Variants in CATSPERG observed in about 807,000 individuals in gnomAD.
CATSPERG encodes the protein cation channel sperm-associated auxiliary subunit gamma.
CATSPERG carries 115 observed loss-of-function variants against 145.0 expected under a neutral mutation model. The observed-to-expected ratio is 0.79, with a 90% CI of 0.68 to 0.93. The LOEUF (loss-of-function observed/expected upper bound fraction) is 0.93, where lower values mean the gene tolerates loss of function less well. Among genes scored for constraint, CATSPERG ranks in the 40% least tolerant of loss-of-function variants. The pLI, the probability that CATSPERG is intolerant of heterozygous loss-of-function variation, is 0.00. For synonymous variants in CATSPERG, 588 were observed against 589.0 expected, an observed-to-expected ratio of 1.00 and a Z score of 0.02; for missense variants, 1,296 against 1,490.1, an observed-to-expected ratio of 0.87 and a Z score of 2.14.
chr19:38,360,692 G>A (rs1970329429), intron 15 of CATSPERG, 39 bp from the exon 16 acceptor site: 2 of 1,614,000 alleles, frequency 1.2e-6, no homozygotes, highest in Non-Finnish European at 1.7e-6. Context: ...CCCCAGGAGG[G>A]CTGACCCCAG....
At chr19:38,360,691 G>A (rs1970329378) in intron 15 of CATSPERG, 40 bp from the exon 16 acceptor site, 1 of 1,614,012 alleles carries the variant, frequency 6.2e-7, no homozygotes, top group Non-Finnish European at 8.5e-7. Context: ...ACCCCAGGAG[G>A]GCTGACCCCA....
intron 20 of CATSPERG, among the ~76,000 whole-genome samples, chr19:38,363,324 G>T (rs1970385769): frequency 6.6e-6 from 1 of 151,938 alleles, no homozygotes; most frequent in African/African-American, 2.4e-5. Flanking sequence ...ACAAGCGTGA[G>T]CCACTGCACC....
At chr19:38,359,052 G>A (rs569012221) in intron 13 of CATSPERG, among the ~76,000 whole-genome samples, 2 of 152,038 alleles carry the variant, frequency 1.3e-5, no homozygotes, top group East Asian at 3.9e-4. Flanking sequence ...GTTTCACCAT[G>A]TTGGGCAGGC....
chr19:38,352,752 C>A (rs1439808514), intron 8 of CATSPERG, among the ~76,000 whole-genome samples: 2 of 151,248 alleles, frequency 1.3e-5, no homozygotes, highest in Non-Finnish European at 2.9e-5. Flanking sequence ...GAAGGACTTG[C>A]CAAGACAGAC....
intron 7 of CATSPERG, chr19:38,349,648 T>G (rs201792424): frequency 0.081 from 12,117 of 149,922 alleles, 723 homozygotes; most frequent in South Asian, 0.17. Flanking sequence ...CATTGTTTTT[T>G]TTTGTTTGTT....
intron 20 of CATSPERG, among the ~76,000 whole-genome samples, chr19:38,364,382 A>G (rs934676127): frequency 1.4e-5 from 2 of 141,502 alleles, no homozygotes; most frequent in African/African-American, 2.7e-5. Flanking sequence ...GGGCAGAGGC[A>G]CTCCCCACAT....
At chr19:38,361,501 C>A in intron 16 of CATSPERG, 147 bp from the exon 17 acceptor site, 1 of 669,524 alleles carries the variant, frequency 1.5e-6, no homozygotes, top group Non-Finnish European at 2.6e-6. Context: ...GTGCAGAGGC[C>A]TCTGGGCAGC....
chr19:38,354,646 G>C, intron 8 of CATSPERG, 64 bp from the exon 9 acceptor site: 2 of 1,573,770 alleles, frequency 1.3e-6, no homozygotes. Flanking sequence ...AGGGAAATGT[G>C]GGCAGGGGGC....
intron 1 of CATSPERG, 96 bp downstream of exon 1, chr19:38,335,971 G>C: frequency 1.1e-5 from 3 of 283,754 alleles, no homozygotes; most frequent in South Asian, 8.0e-5. Context: ...GGGAAGGCGA[G>C]AAGGGGAGAG....
Position 38,367,137 on chromosome 19 carries a change from C to G in CATSPERG, c.2614-19C>G, listed in dbSNP as rs767594135. The G allele has an allele frequency of 3.7e-6, 6 of 1,606,114 alleles. No homozygotes were observed. The highest frequency in any genetic ancestry group is 3.4e-5 in the Admixed American group (2 of 58,746). ...GGAGACCCTGGCCACCCCTGTGAGC[C>G]TTTTTTCCTCCCACCGAGGGCAACC... On this transcript the variant is annotated intron_variant, in intron 22 of 28. Transcript: ENST00000409235.
chr19:38,340,069 G>A (rs1215904380), intron 3 of CATSPERG, among the ~76,000 whole-genome samples: 1 of 152,036 alleles, frequency 6.6e-6, no homozygotes, highest in Non-Finnish European at 1.5e-5. Context: ...GGCCAGGCTG[G>A]TCTCGAACTC....
At position 38,354,786 on chromosome 19, in the gene CATSPERG, G is replaced by A. The variant is rs1362885779; in HGVS notation, c.1074G>A (p.Glu358=). The A allele has an allele frequency of 6.2e-7, 1 of 1,614,182 alleles. No individual in the cohort carries two copies. Among genetic ancestry groups the A allele is most frequent in the Non-Finnish European group, 8.5e-7 (1 of 1,180,034 alleles). ...CPVYFHSNGS[E]YIMALTTGKH... ...TGTATTTCCATAGCAATGGCTCTGA[G>A]TACATAATGGCCCTCACCACGGGCA... Residue 358 remains glutamate (E), a synonymous_variant, in exon 9 of 29, where the codon GAG becomes GAA. Transcript: ENST00000409235.
chr19:38,367,934 CT>C (rs1323107078), intron 25 of CATSPERG, 113 bp from the exon 26 acceptor site: 6 of 1,174,152 alleles, frequency 5.1e-6, no homozygotes, highest in African/African-American at 1.5e-5. Flanking sequence ...CTGCCCGCCC[CT>C]AACACCATGT....
At chr19:38,339,627 C>T (rs1455646117) in intron 3 of CATSPERG, among the ~76,000 whole-genome samples, 1 of 151,670 alleles carries the variant, frequency 6.6e-6, no homozygotes, top group Non-Finnish European at 1.5e-5. Flanking sequence ...TTTGGTGAAG[C>T]CCAGTTTATA....
rs754141952 is a variant in CATSPERG at position 38,360,679 on chromosome 19, G to C, written c.1767+32G>C. 22 of 1,613,904 alleles carry C rather than the reference G, an allele frequency of 1.4e-5. No individual in the cohort carries two copies. The African/African-American group carries it at 2.8e-4, about 21-fold the overall frequency. ...GGTGGAGCTATGCGGGGACATCGGG[G>C]CACCCCAGGAGGGCTGACCCCAGCT... is the stretch of plus-strand genomic sequence containing the variant. On this transcript the variant is annotated intron_variant, in intron 15 of 28. Coordinates refer to ENST00000409235, the MANE Select transcript of CATSPERG (RefSeq NM_021185.5).
chr19:38,370,870 C>T lies in CATSPERG; in HGVS notation c.*78C>T, dbSNP rs1448223331. On this transcript the variant is annotated 3_prime_UTR_variant, in exon 29 of 29. Coordinates refer to ENST00000409235, the MANE Select transcript of CATSPERG (RefSeq NM_021185.5). ...CATCTTGAAGATGCAACCTGTCACCCAGCCCAGGCCTCTCTTTCTGTTTTG... is the reference window on the plus strand; with the variant it reads ...CATCTTGAAGATGCAACCTGTCACCTAGCCCAGGCCTCTCTTTCTGTTTTG... The T allele has an allele frequency of 2.1e-6, 3 of 1,453,034 alleles. No individual in the cohort carries two copies. In the African/African-American group the frequency reaches 4.2e-5, roughly 20 times the overall value. 90.0% of individuals were successfully genotyped at this position (1,453,034 alleles called of 1,614,324 possible).
intron 22 of CATSPERG, chr19:38,365,403 T>C (rs919184069): frequency 5.5e-6 from 2 of 365,224 alleles, no homozygotes; most frequent in Non-Finnish European, 1.0e-5. Context: ...CCCAAGTAGC[T>C]GGGATTATAG....
chr19:38,343,489 C>T, intron 3 of CATSPERG, 91 bp from the exon 4 acceptor site: 2 of 1,204,614 alleles, frequency 1.7e-6, no homozygotes, highest in African/African-American at 1.5e-5. Context: ...CCCCGGACAG[C>T]CCAGGAGACA....
At chr19:38,346,962 G>A (rs1970051410) in intron 7 of CATSPERG, among the ~76,000 whole-genome samples, 1 of 152,184 alleles carries the variant, frequency 6.6e-6, no homozygotes, top group Admixed American at 6.5e-5. Context: ...TATAATCCCA[G>A]CACTTTGGGA....
Sources: allele counts gnomAD v4.1 joint callset (sites outside exome capture counted in the v4.1 genomes callset), GRCh38; gene constraint gnomAD v4.1.1; transcripts MANE v1.5; gene names NCBI Gene and HGNC (gene_info 2026-07-23, HGNC 2026-07-21).